The following ZNF282 variants were observed in gnomAD, a reference collection of about 807,000 sequenced individuals.
ZNF282 encodes zinc finger protein 282, also known as HTLV-I U5 repressive element-binding protein 1.
ZNF282 carries 30 observed loss-of-function variants against 61.9 expected under a neutral mutation model. That is an observed-to-expected ratio of 0.48 (90% CI 0.36 to 0.66). The LOEUF (loss-of-function observed/expected upper bound fraction) is 0.66. Ranked by LOEUF, ZNF282 falls within the 30% of genes least tolerant of loss-of-function variation. The pLI, the probability that ZNF282 is intolerant of heterozygous loss-of-function variation, is 0.00. For synonymous variants in ZNF282, 396 were observed against 405.0 expected (o/e 0.98, Z 0.27); for missense variants, 788 against 941.4 (o/e 0.84, Z 2.13).
intron 2 of ZNF282, among the ~76,000 whole-genome samples, chr7:149,203,334 C>T (rs1795944532): frequency 6.6e-6 from 1 of 152,130 alleles, no homozygotes; most frequent in African/African-American, 2.4e-5. Flanking sequence ...GGTTTAAATC[C>T]TGACTTTGCC....
chr7:149,212,244 C>T lies in ZNF282; in HGVS notation c.953-114C>T, dbSNP rs1796095849. 8 of 682,674 alleles carry T rather than the reference C, an allele frequency of 1.2e-5. No homozygotes were observed. In the South Asian group the frequency reaches 1.7e-4, roughly 14 times the overall value. The allele number at this position is 682,674 out of a possible 1,614,324, so 42.3% of individuals were successfully genotyped here. ...GTTAATGAGACTTATGTAATTGTAC[C>T]TGATGTTTAGGGGAAAGAGATAATT... On this transcript the variant is annotated intron_variant, in intron 5 of 7. Coordinates refer to ENST00000610704, the MANE Select transcript of ZNF282 (RefSeq NM_003575.4).
chr7:149,221,135 T>C (rs1796242866), intron 7 of ZNF282, among the ~76,000 whole-genome samples: 1 of 152,160 alleles, frequency 6.6e-6, no homozygotes, highest in Non-Finnish European at 1.5e-5. Flanking sequence ...CCTAGGCTGG[T>C]CTCAAACTCC....
rs375039519 is a variant in ZNF282, at chr7:149,198,298, C to T, written c.166-35C>T. The T allele has an allele frequency of 9.5e-5, 149 of 1,567,978 alleles. 1 individual carries two copies. In the African/African-American group the frequency reaches 1.8e-3, roughly 19 times the overall value. On this transcript the variant is annotated intron_variant, in intron 1 of 7. Coordinates refer to ENST00000610704, the MANE Select transcript of ZNF282 (RefSeq NM_003575.4). This position sits in a 1 kb window ranked among gnomAD's most constrained non-coding sequence, Gnocchi z 4.3. ...GACTTCCCCGGCTCACACAAGGTCT[C>T]ATCCTGGGTTGTCGCTTTCTCCCTC...
rs1190310996 is a variant in ZNF282, at chr7:149,224,263, G to A, written c.1632G>A (p.Arg544=). The change falls in exon 8 of 8, where the codon CGG becomes CGA. Residue 544 remains arginine (R), a synonymous_variant. Transcript: ENST00000610704. ...IIHHRSHTKE[R]PYECAECEKS... is the part of the protein sequence containing the mutation. ...ACCACCGCAGCCACACCAAGGAGCGGCCCTACGAGTGCGCTGAGTGCGAGA... is the reference window on the plus strand; with the variant it reads ...ACCACCGCAGCCACACCAAGGAGCGACCCTACGAGTGCGCTGAGTGCGAGA... 22 of 1,612,694 alleles carry A rather than the reference G, an allele frequency of 1.4e-5. No homozygotes were observed. Among genetic ancestry groups the A allele is most frequent in the Non-Finnish European group, 1.8e-5 (21 of 1,179,828 alleles).
chr7:149,207,229 C>A, intron 3 of ZNF282, 122 bp from the exon 4 acceptor site: 1 of 1,302,122 alleles, frequency 7.7e-7, no homozygotes, highest in Non-Finnish European at 1.0e-6. Flanking sequence ...CGCATAACTG[C>A]TGCCAAAGAG....
Position 149,206,142 on chromosome 7 carries a change from G to A in ZNF282, c.586-554G>A, listed in dbSNP as rs540514614. Among the ~76,000 whole-genome samples, 34 of 152,292 alleles carry A rather than the reference G, an allele frequency of 2.2e-4. 1 individual carries two copies. In the South Asian group the frequency reaches 6.0e-3, roughly 27 times the overall value. On this transcript the variant is annotated intron_variant, in intron 2 of 7. Coordinates refer to ENST00000610704, the MANE Select transcript of ZNF282 (RefSeq NM_003575.4). ...GCTTCCTGGTGTTGGCACTCGCTGC[G>A]CAGCACACTCAAGTATTTATTGATT...
intron 7 of ZNF282, among the ~76,000 whole-genome samples, chr7:149,221,189 G>A (rs1796244284): frequency 6.6e-6 from 1 of 152,196 alleles, no homozygotes; most frequent in Non-Finnish European, 1.5e-5. Flanking sequence ...AATGTGCCGG[G>A]ATTACAGGCA....
intron 2 of ZNF282, among the ~76,000 whole-genome samples, chr7:149,200,653 T>G (rs1371908082): frequency 8.5e-5 from 13 of 152,272 alleles, no homozygotes; most frequent in Admixed American, 8.5e-4. Context: ...TGGAGTGCAG[T>G]GACGTGATCT....
chr7:149,224,575 C>T lies in ZNF282; in HGVS notation c.1944C>T (p.His648=), dbSNP rs748402894. 6.3e-7 allele frequency: 1 copy of T among 1,599,766 alleles called. No homozygotes were observed. Among genetic ancestry groups the T allele is most frequent in the Non-Finnish European group, 8.5e-7 (1 of 1,176,292 alleles). ...SFRYKESLKD[H]LRVHSGGPGP... ...GCTACAAGGAGTCGCTCAAGGACCA[C>T]CTGCGCGTGCACAGCGGCGGCCCGG... Residue 648 remains histidine (H), a synonymous_variant, in exon 8 of 8, where the codon CAC becomes CAT. Transcript: ENST00000610704.
chr7:149,205,288 A>G (rs566920600), intron 2 of ZNF282, among the ~76,000 whole-genome samples: 4 of 151,418 alleles, frequency 2.6e-5, no homozygotes, highest in Non-Finnish European at 5.9e-5. Flanking sequence ...AAATACAAAA[A>G]TTAGCCGGGC....
At position 149,207,407 on chromosome 7, in the gene ZNF282, G is replaced by C. The variant is rs758104495; in HGVS notation, c.769G>C (p.Glu257Gln). Residue 257 changes from glutamate to glutamine, a missense_variant, in exon 4 of 8, where the codon GAA (glutamate) becomes CAA (glutamine). Glu to Gln is a conservative substitution (Grantham distance 29). This residue lies in a region of ZNF282 where 559 missense variants were observed against 642.0 expected (regional missense o/e 0.87). Coordinates refer to ENST00000610704, the MANE Select transcript of ZNF282 (RefSeq NM_003575.4). ...DAPVQAEPRE[E>Q]PCVWEQRHPE... Reference sequence around the variant, plus strand: ...TCCAGTCCAGGCTGAGCCCAGGGAAGAACCTTGTGTGTGGGAGCAGCGCCA... The same window carrying C: ...TCCAGTCCAGGCTGAGCCCAGGGAACAACCTTGTGTGTGGGAGCAGCGCCA... 1 of 1,577,538 alleles carries C rather than the reference G, an allele frequency of 6.3e-7. No individual in the cohort carries two copies. Among genetic ancestry groups the C allele is most frequent in the Admixed American group, 1.8e-5 (1 of 55,290 alleles).
intron 2 of ZNF282, among the ~76,000 whole-genome samples, chr7:149,200,058 T>A (rs891293845): frequency 3.3e-5 from 5 of 152,224 alleles, no homozygotes; most frequent in Admixed American, 3.3e-4. Flanking sequence ...ATGTTTGAGA[T>A]GTCTCTTAAG....
intron 2 of ZNF282, among the ~76,000 whole-genome samples, chr7:149,204,561 G>A (rs1018404626): frequency 7.2e-5 from 11 of 152,124 alleles, no homozygotes; most frequent in Admixed American, 7.2e-4. Flanking sequence ...TGGAGGAAGA[G>A]GTGAAGGGCA....
At position 149,198,401 on chromosome 7, in the gene ZNF282, A is replaced by C. The variant is rs752607755; in HGVS notation, c.234A>C (p.Ala78=). 19 of 1,613,964 alleles carry C rather than the reference A, an allele frequency of 1.2e-5. No homozygotes were observed. Among genetic ancestry groups the C allele is most frequent in the African/African-American group, 2.7e-5 (2 of 74,878 alleles). Residue 78 remains alanine, a synonymous_variant, in exon 2 of 8, where the codon GCA becomes GCC. Transcript: ENST00000610704. The surrounding 1 kb of genome is among the most constrained non-coding windows in gnomAD (Gnocchi z 4.3). The part of the protein sequence containing the change: ...PFQFPPFPDR[A]PVFPDRMMRE... ...AGTTCCCACCCTTTCCAGATAGGGC[A>C]CCTGTCTTCCCCGACCGCATGATGC... is the stretch of plus-strand genomic sequence containing the variant.
intron 2 of ZNF282, among the ~76,000 whole-genome samples, chr7:149,205,396 T>C (rs1795976828): frequency 1.3e-5 from 2 of 151,900 alleles, no homozygotes; most frequent in Non-Finnish European, 2.9e-5. Context: ...TGGTATCGCG[T>C]CACTGCACTC....
chr7:149,213,267 G>C (rs1796113727), intron 6 of ZNF282, among the ~76,000 whole-genome samples: 1 of 152,190 alleles, frequency 6.6e-6, no homozygotes, highest in Non-Finnish European at 1.5e-5. Context: ...AGGGAAAGCG[G>C]GGCCTTCCTG....
At chr7:149,200,927 C>A (rs1453183270) in intron 2 of ZNF282, among the ~76,000 whole-genome samples, 1 of 152,190 alleles carries the variant, frequency 6.6e-6, no homozygotes, top group Non-Finnish European at 1.5e-5. Flanking sequence ...AATCTGTATG[C>A]TCTCACCTCC....
chr7:149,218,815 T>A (rs1796196408), intron 7 of ZNF282, among the ~76,000 whole-genome samples: 1 of 151,980 alleles, frequency 6.6e-6, no homozygotes, highest in African/African-American at 2.4e-5. Context: ...GAAAGTGCTA[T>A]ATATATCATT....
intron 2 of ZNF282, among the ~76,000 whole-genome samples, chr7:149,201,125 T>C (rs1436270094): frequency 1.3e-5 from 2 of 152,218 alleles, no homozygotes; most frequent in African/African-American, 4.8e-5. Context: ...CTCATCTCCG[T>C]TGATGACGGA....
Sources: gnomAD v4.1 joint callset for allele counts (sites outside exome capture counted in the v4.1 genomes callset) on GRCh38, gnomAD v4.1.1 for gene constraint, gnomAD v4.1.1 regional missense constraint, Gnocchi (gnomAD v3.1) non-coding constraint, MANE v1.5 for transcripts, NCBI Gene and HGNC (gene_info 2026-07-23, HGNC 2026-07-21) for gene names.